The following CCDC144A variants were observed in gnomAD, a reference collection of about 807,000 sequenced individuals.
CCDC144A encodes the protein coiled-coil domain-containing protein 144A.
CCDC144A carries 41 observed loss-of-function variants against 143.8 expected under a neutral mutation model. The ratio of observed to expected loss-of-function variants is 0.29; its 90% CI spans 0.22 to 0.37. The LOEUF (loss-of-function observed/expected upper bound fraction) is 0.37, where lower values mean the gene tolerates loss of function less well. Ranked by LOEUF, CCDC144A falls within the 10% of genes least tolerant of loss-of-function variation. The probability of loss-of-function intolerance (pLI) is 1.00; values close to 1 mark genes in which losing one functional copy is unlikely to be tolerated. For synonymous variants in CCDC144A, 242 were observed against 517.9 expected (o/e 0.47, Z 7.23); for missense variants, 637 against 1,488.8 (o/e 0.43, Z 9.41).
At chr17:16,754,727 T>C (rs1219095188) in intron 12 of CCDC144A, among the ~76,000 whole-genome samples, 2 of 152,272 alleles carry the variant, frequency 1.3e-5, no homozygotes, top group African/African-American at 4.8e-5. Flanking sequence ...GTTCTGTAAG[T>C]GTCTGCTAGG....
At chr17:16,713,718 G>A (rs1236648770) in intron 6 of CCDC144A, among the ~76,000 whole-genome samples, 1 of 151,722 alleles carries the variant, frequency 6.6e-6, no homozygotes, top group African/African-American at 2.4e-5. Flanking sequence ...ACCTTCATCT[G>A]GCATTTCAAA....
In CCDC144A at chr17:16,709,271, A is replaced by C. The variant is rs538614545; in HGVS notation, c.1214A>C (p.Asn405Thr). The C allele has an allele frequency of 5.0e-6, 8 of 1,611,748 alleles. 1 individual carries two copies. The African/African-American group carries it at 6.7e-5, about 13-fold the overall frequency. Residue 405 changes from asparagine (N) to threonine (T), a missense_variant, in exon 5 of 17, where the codon AAT (asparagine) becomes ACT (threonine). Coordinates refer to ENST00000399273, the MANE Select transcript of CCDC144A (RefSeq NM_001382000.1). Reference sequence around the variant, plus strand: ...CATGAAAATAAATTAGACTGCGACAATGATAACAAACCAGGCATTGGACAT... The same window carrying C: ...CATGAAAATAAATTAGACTGCGACACTGATAACAAACCAGGCATTGGACAT... The part of the protein sequence containing the change: ...HLHENKLDCD[N>T]DNKPGIGHIF...
At position 16,750,069 on chromosome 17, in the gene CCDC144A, A is replaced by G. The variant is rs998411274; in HGVS notation, c.3373-11356A>G. Among the ~76,000 whole-genome samples, 12 of 152,132 alleles carry G rather than the reference A, an allele frequency of 7.9e-5. No homozygotes were observed. In the East Asian group the frequency reaches 1.3e-3, roughly 17 times the overall value. ...TCAACTTGCCACTCTGTGCCTTTTA[A>G]GTGAGGCATTTAGACCATTGTATTC... On this transcript the variant is annotated intron_variant, in intron 12 of 16. Transcript: ENST00000399273.
intron 8 of CCDC144A, among the ~76,000 whole-genome samples, chr17:16,723,320 T>C (rs1913202092): frequency 3.9e-5 from 6 of 152,134 alleles, no homozygotes; most frequent in Admixed American, 3.9e-4. Context: ...TTAGTATCTG[T>C]AGAATCTATA....
chr17:16,742,950 A>G (rs1376712790), intron 12 of CCDC144A, among the ~76,000 whole-genome samples: 4 of 152,048 alleles, frequency 2.6e-5, no homozygotes, highest in Non-Finnish European at 2.9e-5. Context: ...AGTTCCTGGC[A>G]TATTCTAGAT....
At chr17:16,686,747 A>AACACACACACACACAC (rs142329474), upstream of CCDC144A, among the ~76,000 whole-genome samples, 23 of 140,490 alleles carry the variant, frequency 1.6e-4, no homozygotes, top group African/African-American at 5.2e-4. Flanking sequence ...CACACACACA[A>AACACACACACACACAC]ACACACACAC....
At chr17:16,690,797 T>C (rs1208062088) in intron 1 of CCDC144A, 53 bp downstream of exon 1, 1 of 1,536,450 alleles carries the variant, frequency 6.5e-7, no homozygotes. Context: ...GGCTTTCTGG[T>C]GCCCGCAGGC....
intron 8 of CCDC144A, among the ~76,000 whole-genome samples, chr17:16,725,480 CA>C (rs1176338010): frequency 6.6e-5 from 10 of 150,534 alleles, no homozygotes; most frequent in African/African-American, 2.2e-4. Context: ...AGTCCATCTT[CA>C]AAAAATATTA....
chr17:16,676,292 G>C, the CCDC144A span, among the ~76,000 whole-genome samples: 106 of 152,048 alleles, frequency 7.0e-4, 3 homozygotes, highest in South Asian at 1.5e-3. Context: ...CAGGTGGATT[G>C]CTTGAGGTCA....
In CCDC144A at chr17:16,729,856, C is replaced by CA. The variant is rs753478971; in HGVS notation, c.2106-1932dup. Among the ~76,000 whole-genome samples the CA allele has an allele frequency of 6.3e-3, 700 of 111,116 alleles. 3 individuals carry two copies. Among genetic ancestry groups the CA allele is most frequent in the South Asian group, 0.02 (62 of 3,160 alleles). 72.9% of individuals were successfully genotyped at this position (111,116 alleles called of 152,430 possible). A position where few individuals can be genotyped will look rare whatever the true frequency, so the allele number is the denominator to read the frequency against. On this transcript the variant is annotated intron_variant, in intron 9 of 16. Coordinates refer to ENST00000399273, the MANE Select transcript of CCDC144A (RefSeq NM_001382000.1). Reference sequence around the variant, plus strand: ...TGGGTGACAGAGCGAGACTCTGTCTCAAAAAAAAAAAATATATATATATAT... The same window carrying CA: ...TGGGTGACAGAGCGAGACTCTGTCTCAAAAAAAAAAAAATATATATATATAT...
intron 9 of CCDC144A, among the ~76,000 whole-genome samples, chr17:16,729,116 T>G (rs1913580963): frequency 6.6e-6 from 1 of 152,212 alleles, no homozygotes; most frequent in Non-Finnish European, 1.5e-5. Flanking sequence ...CAGTAGGGGA[T>G]TGTTGGATTG....
the CCDC144A span, among the ~76,000 whole-genome samples, chr17:16,682,892 T>G: frequency 3.3e-4 from 29 of 86,998 alleles, no homozygotes; most frequent in East Asian, 5.2e-4. Context: ...TGTTTTTTTT[T>G]TTTTTTTTTT....
rs978667681 is a variant in CCDC144A at position 16,732,841 on chromosome 17, A to C, written c.2418+175A>C. Reference sequence around the variant, plus strand: ...TTCTGGCATTTTTGGCTCATTGAATAAAGTCATGTTCTTAATTCAACTCCA... The same window carrying C: ...TTCTGGCATTTTTGGCTCATTGAATCAAGTCATGTTCTTAATTCAACTCCA... On this transcript the variant is annotated intron_variant, in intron 11 of 16. Coordinates refer to ENST00000399273, the MANE Select transcript of CCDC144A (RefSeq NM_001382000.1). Among the ~76,000 whole-genome samples, 12 of 151,088 alleles carry C rather than the reference A, an allele frequency of 7.9e-5. No homozygotes were observed. In the South Asian group the frequency reaches 1.0e-3, roughly 13 times the overall value.
At chr17:16,671,180 G>T in the CCDC144A span, among the ~76,000 whole-genome samples, 1 of 152,004 alleles carries the variant, frequency 6.6e-6, no homozygotes, top group South Asian at 2.1e-4. Context: ...ACAGGGTTTT[G>T]CCATGTTGGC....
At position 16,711,759 on chromosome 17, in the gene CCDC144A, T is replaced by C; in HGVS notation, c.1659T>C (p.Asn553=). ...GTLTDGTTVG[N]DDDGLNQQIP... ...TAACTGATGGTACTACTGTTGGCAATGATGATGATGGACTAAATCAGCAGA... is the reference window on the plus strand; with the variant it reads ...TAACTGATGGTACTACTGTTGGCAACGATGATGATGGACTAAATCAGCAGA... The change falls in exon 6 of 17, where the codon AAT becomes AAC. Residue 553 remains asparagine (N), a synonymous_variant. Coordinates refer to ENST00000399273, the MANE Select transcript of CCDC144A (RefSeq NM_001382000.1). The C allele has an allele frequency of 1.3e-6, 2 of 1,595,838 alleles. No homozygotes were observed. The highest frequency in any genetic ancestry group is 8.5e-7 in the Non-Finnish European group (1 of 1,169,866).
Position 16,737,570 on chromosome 17 carries a change from C to T in CCDC144A, c.3372+1927C>T, listed in dbSNP as rs994475693. 1.0e-5 allele frequency: 13 copies of T among 1,297,360 alleles called. No homozygotes were observed. In the East Asian group the frequency reaches 1.7e-4, roughly 17 times the overall value. 80.4% of individuals were successfully genotyped at this position (1,297,360 alleles called of 1,614,324 possible). A position where few individuals can be genotyped will look rare whatever the true frequency, so the allele number is the denominator to read the frequency against. Reference sequence around the variant, plus strand: ...TGAGAGAATTCCAACAAGAATGGACCGATCTCCTAAAACAACAACCTACGT... The same window carrying T: ...TGAGAGAATTCCAACAAGAATGGACTGATCTCCTAAAACAACAACCTACGT... On this transcript the variant is annotated intron_variant, in intron 12 of 16. Transcript: ENST00000399273.
intron 9 of CCDC144A, among the ~76,000 whole-genome samples, chr17:16,729,419 G>A (rs1439549556): frequency 6.6e-6 from 1 of 152,148 alleles, no homozygotes; most frequent in Non-Finnish European, 1.5e-5. Flanking sequence ...TGTCATTTGT[G>A]TACTTTTTGA....
At chr17:16,712,730 C>G (rs1912525697) in intron 6 of CCDC144A, among the ~76,000 whole-genome samples, 1 of 152,094 alleles carries the variant, frequency 6.6e-6, no homozygotes, top group Non-Finnish European at 1.5e-5. Context: ...GGAAATAGTA[C>G]AATTGTCATA....
intron 12 of CCDC144A, chr17:16,746,862 CCTCTCCCTT>C (rs986249469): frequency 3.4e-5 from 25 of 738,438 alleles, no homozygotes; most frequent in Middle Eastern, 3.6e-4. Context: ...GCCCCTCCCT[CCTCTCCCTT>C]CTCTCCCTTC....
Sources: gnomAD v4.1 joint callset for allele counts (sites outside exome capture counted in the v4.1 genomes callset) on GRCh38, gnomAD v4.1.1 for gene constraint, MANE v1.5 for transcripts, NCBI Gene and HGNC (gene_info 2026-07-23, HGNC 2026-07-21) for gene names.